Variants in GPC5 observed in about 807,000 individuals in gnomAD.
GPC5 encodes the protein glypican 5, also known as glypican-5.
Under a neutral mutation model 53.9 loss-of-function variants are expected in GPC5, and 47 were observed. The observed-to-expected ratio is 0.87, with a 90% CI of 0.69 to 1.11. The LOEUF is 1.11. GPC5 is among the 50% of genes most tolerant of loss of function. The pLI, the probability that GPC5 is intolerant of heterozygous loss-of-function variation, is 0.00. For missense variants in GPC5, 748 were observed against 713.1 expected (o/e 1.05, Z -0.56); for synonymous variants, 286 against 263.3 (o/e 1.09, Z -0.84).
At chr13:92,632,732 A>G (rs9523737) in intron 7 of GPC5, among the ~76,000 whole-genome samples, 56,963 of 151,784 alleles carry the variant, frequency 0.38, 12,974 homozygotes, top group East Asian at 0.73. Flanking sequence ...AGACTGGCCA[A>G]TTTACAAAAG....
chr13:91,986,540 A>G (rs1187535538), intron 6 of GPC5, among the ~76,000 whole-genome samples: 1 of 152,172 alleles, frequency 6.6e-6, no homozygotes, highest in African/African-American at 2.4e-5. Context: ...TGTTTCTTTA[A>G]GTCCCAGATC....
intron 5 of GPC5, among the ~76,000 whole-genome samples, chr13:91,837,600 T>C (rs1167737730): frequency 1.3e-5 from 2 of 152,332 alleles, no homozygotes; most frequent in South Asian, 4.1e-4. Context: ...ACCTTAGCTA[T>C]GAAATACCAC....
intron 7 of GPC5, among the ~76,000 whole-genome samples, chr13:92,277,634 CTTTG>C (rs996913466): frequency 6.6e-6 from 1 of 151,870 alleles, no homozygotes; most frequent in Non-Finnish European, 1.5e-5. Flanking sequence ...CATTTTTTTA[CTTTG>C]TTTTTTATCG....
At chr13:92,409,516 T>G (rs1875950468) in intron 7 of GPC5, among the ~76,000 whole-genome samples, 1 of 152,066 alleles carries the variant, frequency 6.6e-6, no homozygotes, top group Admixed American at 6.6e-5. Context: ...TTAATCCATA[T>G]AATTGACCAT....
intron 2 of GPC5, among the ~76,000 whole-genome samples, chr13:91,573,618 A>G (rs535248973): frequency 6.6e-5 from 10 of 152,168 alleles, no homozygotes; most frequent in Non-Finnish European, 1.5e-4. Flanking sequence ...ATTTGACCCT[A>G]TAAAATTGTT....
intron 6 of GPC5, among the ~76,000 whole-genome samples, chr13:91,911,073 G>A (rs2039605440): frequency 1.3e-5 from 2 of 152,116 alleles, no homozygotes; most frequent in Non-Finnish European, 2.9e-5. Context: ...AAAAGTAGGC[G>A]CAAAGGTCTT....
At chr13:92,357,803 G>A (rs2043534582) in intron 7 of GPC5, among the ~76,000 whole-genome samples, 1 of 151,386 alleles carries the variant, frequency 6.6e-6, no homozygotes, top group African/African-American at 2.5e-5. Flanking sequence ...AGGAAAATGT[G>A]CCCCCATGAC....
At chr13:91,689,186 T>TATATATAA (rs1555338020) in intron 2 of GPC5, among the ~76,000 whole-genome samples, 22 of 19,196 alleles carry the variant, frequency 1.1e-3, no homozygotes, top group Non-Finnish European at 2.0e-3. Context: ...CATATATAAA[T>TATATATAA]ATATATATAT....
intron 7 of GPC5, among the ~76,000 whole-genome samples, chr13:92,619,592 A>G (rs1024878510): frequency 2.2e-4 from 33 of 152,112 alleles, no homozygotes; most frequent in African/African-American, 7.7e-4. Context: ...GATAGTACAG[A>G]TTAACCATAT....
chr13:92,563,416 A>C (rs1448020263), intron 7 of GPC5, among the ~76,000 whole-genome samples: 1 of 152,008 alleles, frequency 6.6e-6, no homozygotes, highest in Admixed American at 6.6e-5. Context: ...TCAATTTTTC[A>C]CATTTTTTAA....
chr13:92,036,756 T>C (rs1374303259), intron 6 of GPC5, among the ~76,000 whole-genome samples: 1 of 152,238 alleles, frequency 6.6e-6, no homozygotes, highest in Non-Finnish European at 1.5e-5. Flanking sequence ...AACATCTCTG[T>C]ATATTGTATG....
intron 2 of GPC5, among the ~76,000 whole-genome samples, chr13:91,561,393 G>A (rs1187850651): frequency 6.6e-6 from 1 of 152,090 alleles, no homozygotes; most frequent in Non-Finnish European, 1.5e-5. Flanking sequence ...AGATGTCAAT[G>A]CCATTATCAA....
chr13:92,568,388 TA>T (rs1173218326), intron 7 of GPC5, among the ~76,000 whole-genome samples: 1 of 152,168 alleles, frequency 6.6e-6, no homozygotes, highest in East Asian at 1.9e-4. Flanking sequence ...TAACTATAAG[TA>T]AAAAAGACAA....
In GPC5 at chr13:91,693,717, GC is replaced by G; in HGVS notation, c.857del (p.Ala286GlyfsTer32). ...CATGCGAGGCTGCCTGGCGCACATG[GC>G]GGAGCTTAATCCACACTGGCATGCA... ...NVMRGCLAHMAELNPHWHAYI... is the reference protein window; with the variant it reads ...NVMRGCLAHMXELNPHWHAYI... On this transcript the variant is annotated frameshift_variant, in exon 3 of 8. Coordinates refer to ENST00000377067, the MANE Select transcript of GPC5 (RefSeq NM_004466.6). LOFTEE classifies it high-confidence loss of function. The G allele has an allele frequency of 6.2e-7, 1 of 1,614,148 alleles. No individual in the cohort carries two copies. The highest frequency in any genetic ancestry group is 8.5e-7 in the Non-Finnish European group (1 of 1,180,008).
intron 2 of GPC5, among the ~76,000 whole-genome samples, chr13:91,582,855 A>G (rs1043592340): frequency 5.9e-5 from 9 of 152,148 alleles, no homozygotes; most frequent in Non-Finnish European, 4.4e-5. Context: ...TCTACTAAAT[A>G]TACAAAAATT....
chr13:92,063,952 A>C (rs527629317), intron 6 of GPC5, among the ~76,000 whole-genome samples: 2 of 152,260 alleles, frequency 1.3e-5, no homozygotes, highest in African/African-American at 4.8e-5. Flanking sequence ...CTTTTGTTCA[A>C]ATTGTGATTG....
chr13:92,719,799 C>T (rs1380661259), intron 7 of GPC5: 4 of 152,118 alleles, frequency 2.6e-5, no homozygotes, highest in East Asian at 1.9e-4. Flanking sequence ...AGTTACACAC[C>T]TTCTGTTCAA....
Position 91,821,929 on chromosome 13 carries a change from C to G in GPC5, c.1280+65509C>G, listed in dbSNP as rs566910596. ...AACAATCAAGGTTTAATGTGTCATA[C>G]ACATGCAAAATAGAACGTATTTTTA... On this transcript the variant is annotated intron_variant, in intron 5 of 7. Coordinates refer to ENST00000377067, the MANE Select transcript of GPC5 (RefSeq NM_004466.6). Among the ~76,000 whole-genome samples the G allele has an allele frequency of 5.9e-5, 9 of 152,240 alleles. No homozygotes were observed. The East Asian group carries it at 1.7e-3, about 29-fold the overall frequency.
chr13:91,468,101 T>C (rs2139168051), intron 2 of GPC5, among the ~76,000 whole-genome samples: 1 of 152,296 alleles, frequency 6.6e-6, no homozygotes, highest in East Asian at 1.9e-4. Context: ...GCAGGAAAGA[T>C]GGTCCTGGTC....
Sources: gnomAD v4.1 joint callset for allele counts (sites outside exome capture counted in the v4.1 genomes callset) on GRCh38, gnomAD v4.1.1 for gene constraint, MANE v1.5 for transcripts, NCBI Gene and HGNC (gene_info 2026-07-23, HGNC 2026-07-21) for gene names.